Variants in RP1 observed in about 807,000 individuals in gnomAD.
The protein encoded by RP1 is RP1 axonemal microtubule associated.
A neutral mutation model predicts 14.8 loss-of-function variants in RP1; 16 were observed. That is an observed-to-expected ratio of 1.08 (90% CI 0.73 to 1.65). RP1 has a LOEUF of 1.65. Ranked by LOEUF, RP1 falls within the 40% of genes most tolerant of loss-of-function variation. RP1 has a pLI of 0.00. For synonymous variants in RP1, 876 were observed against 883.6 expected, an observed-to-expected ratio of 0.99 and a Z score of 0.15; for missense variants, 2,631 against 2,535.0, an observed-to-expected ratio of 1.04 and a Z score of -0.81.
At position 54,630,599 on chromosome 8, in the gene RP1, C is replaced by A. The variant is rs963218228; in HGVS notation, c.*246C>A. 58 of 1,048,714 alleles carry A rather than the reference C, an allele frequency of 5.5e-5. 1 individual carries two copies. Among genetic ancestry groups the A allele is most frequent in the Middle Eastern group, 8.2e-4 (2 of 2,442 alleles). 65.0% of individuals were successfully genotyped at this position (1,048,714 alleles called of 1,614,324 possible). On this transcript the variant is annotated 3_prime_UTR_variant, in exon 4 of 4. Coordinates refer to ENST00000220676, the MANE Select transcript of RP1 (RefSeq NM_006269.2). ...TCTATCTGGTTTTGTTCTGAACTTA[C>A]ATTTTTTTTTTTTTTGGTATCTATG...
exon 24 of RP1, chr8:54,783,670 A>T: frequency 8.1e-7 from 1 of 1,231,602 alleles, no homozygotes; most frequent in Non-Finnish European, 1.0e-6. Flanking sequence ...GGATCTGGGA[A>T]ACACCAGCTG....
Position 54,810,074 on chromosome 8 carries a change from C to T in RP1, c.3615+26364C>T, listed in dbSNP as rs1490324929. 3.3e-5 allele frequency among the ~76,000 whole-genome samples: 5 copies of T among 152,180 alleles called. 1 individual carries two copies. Among genetic ancestry groups the T allele is most frequent in the Admixed American group, 3.3e-4 (5 of 15,280 alleles). ...ATGAGAAGCCTTTCAGAATGATGCACACGCCTGACCATATGCTCTAGTGAA... is the reference window on the plus strand; with the variant it reads ...ATGAGAAGCCTTTCAGAATGATGCATACGCCTGACCATATGCTCTAGTGAA... On this transcript the variant is annotated intron_variant, in intron 24 of 28. Transcript: ENST00000637698.
At chr8:54,689,567 G>T (rs1176596579) in intron 12 of RP1, among the ~76,000 whole-genome samples, 1 of 152,116 alleles carries the variant, frequency 6.6e-6, no homozygotes, top group Non-Finnish European at 1.5e-5. Context: ...CTTTCCAGAA[G>T]TTATACCAGT....
At chr8:54,652,665 C>G (rs919164769) in intron 4 of RP1, 2 of 690,132 alleles carry the variant, frequency 2.9e-6, no homozygotes. Context: ...GTTTATAATT[C>G]TTATGTCTTC....
At chr8:54,813,260 C>T (rs1811053483) in intron 24 of RP1, among the ~76,000 whole-genome samples, 1 of 152,218 alleles carries the variant, frequency 6.6e-6, no homozygotes, top group Admixed American at 6.5e-5. Flanking sequence ...AATTAACTGA[C>T]AGCAAGTTAG....
At position 54,621,192 on chromosome 8, in the gene RP1, C is replaced by T; in HGVS notation, c.226C>T (p.Leu76Phe). 1.9e-6 allele frequency: 3 copies of T among 1,614,148 alleles called. No individual in the cohort carries two copies. Among genetic ancestry groups the T allele is most frequent in the Non-Finnish European group, 2.5e-6 (3 of 1,180,012 alleles). ...LLDNLSRKVPLPFGVRNISTP... is the reference protein window; with the variant it reads ...LLDNLSRKVPFPFGVRNISTP... Reference sequence around the variant, plus strand: ...GGATAACTTGTCCAGGAAGGTGCCCCTCCCTTTTGGAGTGAGGAACATCAG... The same window carrying T: ...GGATAACTTGTCCAGGAAGGTGCCCTTCCCTTTTGGAGTGAGGAACATCAG... The change falls in exon 2 of 4, where the codon CTC (leucine) becomes TTC (phenylalanine). Residue 76 changes from leucine to phenylalanine, a missense_variant. Coordinates refer to ENST00000220676, the MANE Select transcript of RP1 (RefSeq NM_006269.2).
Position 54,630,181 on chromosome 8 carries a change from T to G in RP1, c.6299T>G (p.Leu2100Arg). The change falls in exon 4 of 4, where the codon CTT (leucine) becomes CGT (arginine). Residue 2100 changes from leucine (L) to arginine (R), a missense_variant. Transcript: ENST00000220676. ...NINCHYFFEM[L>R]GQACLLDICQ... ...AACTGTCATTACTTCTTTGAAATGC[T>G]TGGTCAAGCTTGCCTCTTAGATATT... 6.2e-7 allele frequency: 1 copy of G among 1,613,770 alleles called. No homozygotes were observed. Among genetic ancestry groups the G allele is most frequent in the Non-Finnish European group, 8.5e-7 (1 of 1,179,946 alleles).
At chr8:54,857,587 A>G (rs1465015456) in intron 27 of RP1, among the ~76,000 whole-genome samples, 4 of 152,078 alleles carry the variant, frequency 2.6e-5, no homozygotes, top group East Asian at 3.8e-4. Flanking sequence ...TTGTACAAGC[A>G]CATGATTATA....
At chr8:54,820,857 A>G (rs1329419233) in intron 24 of RP1, among the ~76,000 whole-genome samples, 1 of 152,120 alleles carries the variant, frequency 6.6e-6, no homozygotes, top group Non-Finnish European at 1.5e-5. Flanking sequence ...TCCTTCCCAG[A>G]ACACACTCAG....
intron 15 of RP1, among the ~76,000 whole-genome samples, chr8:54,711,246 C>T (rs578014613): frequency 4.6e-5 from 7 of 152,228 alleles, no homozygotes; most frequent in African/African-American, 1.2e-4. Flanking sequence ...TACTGTACAT[C>T]GGTAACTTTT....
intron 24 of RP1, among the ~76,000 whole-genome samples, chr8:54,809,996 A>G (rs1810950758): frequency 6.6e-6 from 1 of 152,212 alleles, no homozygotes; most frequent in Non-Finnish European, 1.5e-5. Flanking sequence ...AGCTCAGGCC[A>G]ATGAACGCTT....
chr8:54,727,337 T>A (rs1051999023), intron 17 of RP1, among the ~76,000 whole-genome samples: 1 of 152,078 alleles, frequency 6.6e-6, no homozygotes, highest in African/African-American at 2.4e-5. Context: ...ATGAGAAATA[T>A]GTGCTTAGTT....
At chr8:54,600,101 C>G (rs1805240082) in intron 1 of RP1, among the ~76,000 whole-genome samples, 1 of 152,082 alleles carries the variant, frequency 6.6e-6, no homozygotes, top group African/African-American at 2.4e-5. Flanking sequence ...TCCACAATTC[C>G]CACATGTTGT....
chr8:54,625,601 C>T lies in RP1; in HGVS notation c.1719C>T (p.Asn573=), dbSNP rs1272537859. ...GTTTGCCATCAACTATATCAAATAA[C>T]TCAATTGTGGAGGAAGATGTAGTTG... ...NNGLPSTISN[N]SIVEEDVVDC... Residue 573 remains asparagine (N), a synonymous_variant, in exon 4 of 4, where the codon AAC becomes AAT. Coordinates refer to ENST00000220676, the MANE Select transcript of RP1 (RefSeq NM_006269.2). 2.5e-6 allele frequency: 4 copies of T among 1,613,948 alleles called. No individual in the cohort carries two copies. In the Admixed American group the frequency reaches 5.0e-5, roughly 20 times the overall value.
At chr8:54,862,037 T>G (rs1812353908) in intron 27 of RP1, among the ~76,000 whole-genome samples, 1 of 152,136 alleles carries the variant, frequency 6.6e-6, no homozygotes, top group African/African-American at 2.4e-5. Flanking sequence ...TAGGTGTTAC[T>G]ACCAGCACAT....
chr8:54,563,659 C>T lies in RP1; in HGVS notation c.-13+4339C>T, dbSNP rs546002307. 1.1e-3 allele frequency among the ~76,000 whole-genome samples: 165 copies of T among 152,082 alleles called. 1 individual carries two copies. Among genetic ancestry groups the T allele is most frequent in the Non-Finnish European group, 2.0e-3 (133 of 68,022 alleles). The stretch of plus-strand genomic sequence containing the variant: ...TTCCTCGGCTCAAGTGATCCTCCTC[C>T]CTCAGCCTCCTGAGTAGCTGGGATT... On this transcript the variant is annotated intron_variant, in intron 1 of 22. Transcript: ENST00000636932.
At chr8:54,806,843 C>T (rs1057036687) in intron 24 of RP1, among the ~76,000 whole-genome samples, 4 of 152,076 alleles carry the variant, frequency 2.6e-5, no homozygotes, top group African/African-American at 9.7e-5. Flanking sequence ...ATTATCTTCA[C>T]CCTGAGATAA....
downstream of RP1, among the ~76,000 whole-genome samples, chr8:54,771,595 TC>T (rs367981284): frequency 9.5e-4 from 144 of 152,196 alleles, no homozygotes; most frequent in Non-Finnish European, 1.6e-3. Context: ...TTTTATGGCC[TC>T]ATTAAAATGT....
At chr8:54,635,938 A>G (rs986500497) in intron 3 of RP1, among the ~76,000 whole-genome samples, 3 of 151,970 alleles carry the variant, frequency 2.0e-5, no homozygotes, top group Non-Finnish European at 4.4e-5. Context: ...CTCTCTCCCA[A>G]AAGTTCTGTC....
Sources: gnomAD v4.1 joint callset for allele counts (sites outside exome capture counted in the v4.1 genomes callset) on GRCh38, gnomAD v4.1.1 for gene constraint, MANE v1.5 for transcripts, NCBI Gene and HGNC (gene_info 2026-07-23, HGNC 2026-07-21) for gene names.